The following RABEP1 variants were observed in gnomAD, a reference collection of about 807,000 sequenced individuals.
The protein encoded by RABEP1 is rabaptin, RAB GTPase binding effector protein 1, also known as rab GTPase-binding effector protein 1.
In RABEP1, 51 loss-of-function variants were observed where a neutral mutation model predicts 123.4. The ratio of observed to expected loss-of-function variants is 0.41; its 90% confidence interval spans 0.33 to 0.52. The LOEUF (loss-of-function observed/expected upper bound fraction) is 0.52, where lower values mean the gene tolerates loss of function less well. Ranked by LOEUF, RABEP1 falls within the 20% of genes least tolerant of loss-of-function variation. The probability of loss-of-function intolerance (pLI) is 0.16; values close to 1 mark genes in which losing one functional copy is unlikely to be tolerated. For missense variants in RABEP1, 888 were observed against 996.3 expected (o/e 0.89, Z 1.46); for synonymous variants, 347 against 355.2 (o/e 0.98, Z 0.26).
intron 15 of RABEP1, among the ~76,000 whole-genome samples, chr17:5,379,780 G>C (rs566543315): frequency 6.6e-6 from 1 of 152,028 alleles, no homozygotes. Context: ...AAACTTGTTC[G>C]CGTCCCAGTC....
chr17:5,363,216 GT>G (rs1402608903), intron 10 of RABEP1, among the ~76,000 whole-genome samples, 200 bp downstream of exon 10: 1 of 138,176 alleles, frequency 7.2e-6, no homozygotes. Flanking sequence ...TTTTTTTTTT[GT>G]TTTTGTTTTT....
At chr17:5,302,660 G>A (rs2075146394) in intron 1 of RABEP1, among the ~76,000 whole-genome samples, 1 of 145,208 alleles carries the variant, frequency 6.9e-6, no homozygotes, top group Non-Finnish European at 1.5e-5. Context: ...CCTCCCAGGC[G>A]CAAGCGACAG....
At chr17:5,361,824 C>G in intron 9 of RABEP1, 149 bp downstream of exon 9, 1 of 652,254 alleles carries the variant, frequency 1.5e-6, no homozygotes, top group Non-Finnish European at 2.6e-6. Context: ...TCACCTGACC[C>G]TTGTCATAGT....
chr17:5,386,137 C>T lies in RABEP1; in HGVS notation c.*2914C>T, dbSNP rs1183850469. On this transcript the variant is annotated 3_prime_UTR_variant, in exon 18 of 18. Transcript: ENST00000537505. ...CCTTTTTATAAATTAGATAATTCTA[C>T]CTGTTTTACAATATGGGTTTAAGCC... 1 of 1,138,718 alleles carries T rather than the reference C, an allele frequency of 8.8e-7. No individual in the cohort carries two copies. Among genetic ancestry groups the T allele is most frequent in the Non-Finnish European group, 1.3e-6 (1 of 785,454 alleles). 70.5% of individuals were successfully genotyped at this position (1,138,718 alleles called of 1,614,324 possible).
chr17:5,361,167 G>T (rs1418166976), intron 8 of RABEP1, 41 bp from the exon 9 acceptor site: 1 of 1,540,320 alleles, frequency 6.5e-7, no homozygotes. Context: ...TAAAAACGCA[G>T]AGAATTGTCT....
chr17:5,310,999 G>A (rs971489035), intron 2 of RABEP1, among the ~76,000 whole-genome samples: 1 of 151,726 alleles, frequency 6.6e-6, no homozygotes, highest in Non-Finnish European at 1.5e-5. Flanking sequence ...TAGTAGAGAC[G>A]GGGTCTCACC....
At chr17:5,337,915 G>A in intron 4 of RABEP1, 104 bp from the exon 5 acceptor site, 1 of 1,286,004 alleles carries the variant, frequency 7.8e-7, no homozygotes. Context: ...ATAGTGTCTG[G>A]TCAAGTTACT....
intron 9 of RABEP1, 145 bp from the exon 10 acceptor site, chr17:5,362,767 T>TA (rs1210770661): frequency 2.5e-5 from 15 of 608,706 alleles, no homozygotes; most frequent in Non-Finnish European, 3.9e-5. Context: ...TCTGACCCTA[T>TA]ATTGTAACTT....
intron 10 of RABEP1, among the ~76,000 whole-genome samples, chr17:5,363,353 G>T (rs1242978101): frequency 6.6e-6 from 1 of 151,846 alleles, no homozygotes; most frequent in African/African-American, 2.4e-5. Context: ...CCGAGTAGCT[G>T]GGATTACAGG....
At chr17:5,367,310 C>T (rs546165781) in intron 11 of RABEP1, among the ~76,000 whole-genome samples, 158 of 151,798 alleles carry the variant, frequency 1.0e-3, no homozygotes, top group African/African-American at 2.7e-3. Context: ...CTCGCTGTGT[C>T]GCCCAGGCTA....
chr17:5,323,778 G>A (rs1180270858), intron 2 of RABEP1, among the ~76,000 whole-genome samples: 2 of 86,040 alleles, frequency 2.3e-5, no homozygotes, highest in African/African-American at 9.8e-5. Context: ...ATATATCTAG[G>A]AATATATATA....
chr17:5,347,605 A>T (rs1027027752), intron 6 of RABEP1, among the ~76,000 whole-genome samples: 8 of 152,140 alleles, frequency 5.3e-5, no homozygotes, highest in Admixed American at 4.6e-4. Flanking sequence ...GCCCTAAGTA[A>T]CACTCTGTTT....
chr17:5,344,399 C>T (rs971628207), intron 5 of RABEP1, among the ~76,000 whole-genome samples: 1 of 151,994 alleles, frequency 6.6e-6, no homozygotes, highest in Admixed American at 6.6e-5. Flanking sequence ...GGTTGTGCCA[C>T]TGCACTCCAG....
At chr17:5,287,521 C>T (rs1053937114) in intron 1 of RABEP1, among the ~76,000 whole-genome samples, 12 of 142,228 alleles carry the variant, frequency 8.4e-5, no homozygotes, top group African/African-American at 3.2e-4. Context: ...ATTGCTTGAA[C>T]CTGGGAGGTG....
chr17:5,367,243 G>GATAC lies in RABEP1; in HGVS notation c.1786-1125_1786-1122dup, dbSNP rs1910078667. Among the ~76,000 whole-genome samples, 8 of 123,254 alleles carry GATAC rather than the reference G, an allele frequency of 6.5e-5. No individual in the cohort carries two copies. The South Asian group carries it at 2.0e-3, about 31-fold the overall frequency. The allele number at this position is 123,254 out of a possible 152,430, so 80.9% of individuals were successfully genotyped here. Reference sequence around the variant, plus strand: ...ATATCTAAAATTCCTCTAGAACTTAGATACACACACACACACACACACACA... The same window carrying GATAC: ...ATATCTAAAATTCCTCTAGAACTTAGATACATACACACACACACACACACACACA... On this transcript the variant is annotated intron_variant, in intron 11 of 17. Transcript: ENST00000537505.
Position 5,308,837 on chromosome 17 carries a change from C to A in RABEP1, c.163+15C>A. On this transcript the variant is annotated intron_variant, in intron 2 of 17. Transcript: ENST00000537505. ...GGCTAAAGAGGGTAAGTTCATAAGT[C>A]TCGCACCAACTTCAATGCGAAAACT... The A allele has an allele frequency of 6.3e-7, 1 of 1,580,814 alleles. No individual in the cohort carries two copies. Among genetic ancestry groups the A allele is most frequent in the Non-Finnish European group, 8.6e-7 (1 of 1,162,632 alleles).
At chr17:5,294,229 C>T (rs1320756895) in intron 1 of RABEP1, among the ~76,000 whole-genome samples, 4 of 152,070 alleles carry the variant, frequency 2.6e-5, no homozygotes, top group Non-Finnish European at 5.9e-5. Context: ...ACTAAAAATA[C>T]AAAAGTCAGC....
At chr17:5,358,672 G>GAAAA (rs10638024) in intron 8 of RABEP1, among the ~76,000 whole-genome samples, 1 of 142,168 alleles carries the variant, frequency 7.0e-6, no homozygotes. Context: ...CTGTCTCCAG[G>GAAAA]AAAAAAAAAA....
intron 6 of RABEP1, among the ~76,000 whole-genome samples, chr17:5,350,119 G>A (rs1010669531): frequency 6.6e-6 from 1 of 152,114 alleles, no homozygotes; most frequent in Non-Finnish European, 1.5e-5. Context: ...GGTGGCTCAC[G>A]CCTGTAATTC....
Sources: gnomAD v4.1 joint callset for allele counts (sites outside exome capture counted in the v4.1 genomes callset) on GRCh38, gnomAD v4.1.1 for gene constraint, MANE v1.5 for transcripts, NCBI Gene and HGNC (gene_info 2026-07-23, HGNC 2026-07-21) for gene names.